Variants in PCDH15 observed in about 807,000 individuals in gnomAD.
The protein encoded by PCDH15 is protocadherin-15.
A neutral mutation model predicts 178.5 loss-of-function variants in PCDH15; 129 were observed. The ratio of observed to expected loss-of-function variants is 0.72; its 90% CI spans 0.63 to 0.84. The LOEUF is 0.84. Among genes scored for constraint, PCDH15 ranks in the 40% least tolerant of loss-of-function variants. The pLI is 0.00. For missense variants in PCDH15, 2,230 were observed against 2,099.9 expected, an observed-to-expected ratio of 1.06 and a Z score of -1.21; for synonymous variants, 800 against 732.0, an observed-to-expected ratio of 1.09 and a Z score of -1.50.
At chr10:55,259,902 C>CA (rs749939571) in intron 1 of PCDH15, among the ~76,000 whole-genome samples, 1 of 52,012 alleles carries the variant, frequency 1.9e-5, no homozygotes, top group African/African-American at 7.6e-5. Context: ...AACTCCGTCT[C>CA]AAAAAAAAAA....
intron 14 of PCDH15, among the ~76,000 whole-genome samples, chr10:54,151,203 G>A (rs1462025056): frequency 6.6e-6 from 1 of 152,042 alleles, no homozygotes; most frequent in East Asian, 1.9e-4. Context: ...TCACAAACGA[G>A]ACAAGCATTT....
At chr10:55,205,065 G>T (rs1840358413) in intron 1 of PCDH15, among the ~76,000 whole-genome samples, 1 of 151,942 alleles carries the variant, frequency 6.6e-6, no homozygotes, top group Non-Finnish European at 1.5e-5. Context: ...GATATCCTCA[G>T]ATCTTACTTC....
chr10:55,325,906 C>A (rs1844017761), intron 2 of PCDH15, among the ~76,000 whole-genome samples: 1 of 152,000 alleles, frequency 6.6e-6, no homozygotes, highest in African/African-American at 2.4e-5. Flanking sequence ...AAAGAAACAA[C>A]CCCATTAAAA....
At chr10:54,662,053 G>T (rs1011345308) in intron 2 of PCDH15, among the ~76,000 whole-genome samples, 14 of 151,750 alleles carry the variant, frequency 9.2e-5, no homozygotes, top group African/African-American at 2.7e-4. Flanking sequence ...GTAGACAAAT[G>T]GGACTTAATT....
chr10:54,623,070 TCA>T (rs2093438080), intron 2 of PCDH15, among the ~76,000 whole-genome samples: 1 of 151,968 alleles, frequency 6.6e-6, no homozygotes, highest in African/African-American at 2.4e-5. Context: ...ACTTAATTAT[TCA>T]CAGTTTTGTT....
chr10:53,943,808 C>G (rs189127960), intron 23 of PCDH15, among the ~76,000 whole-genome samples: 42 of 152,140 alleles, frequency 2.8e-4, no homozygotes, highest in Middle Eastern at 3.4e-3. Flanking sequence ...ATACAATCTT[C>G]TCCCAAAAAG....
chr10:55,010,295 T>C (rs1396761540), intron 2 of PCDH15, among the ~76,000 whole-genome samples: 2 of 152,146 alleles, frequency 1.3e-5, no homozygotes, highest in Non-Finnish European at 2.9e-5. Context: ...ATTTAACAAA[T>C]ATGCTGGGAG....
rs5741702 is a variant in PCDH15 at position 53,918,713 on chromosome 10, AACACACACACAC to A, written c.3374-15355_3374-15344del. Among the ~76,000 whole-genome samples the A allele has an allele frequency of 8.1e-3, 1,190 of 147,046 alleles. 17 individuals are homozygous for A. The highest frequency in any genetic ancestry group is 0.028 in the African/African-American group (1,104 of 39,848). On this transcript the variant is annotated intron_variant, in intron 25 of 37. Transcript: ENST00000644397. The stretch of plus-strand genomic sequence containing the variant: ...CTCTGTCCTTTAATGCAAATACACA[AACACACACACAC>A]ACACACACACACACACACACACACA...
At chr10:54,758,615 AC>A (rs1947471613) in intron 1 of PCDH15, among the ~76,000 whole-genome samples, 1 of 152,154 alleles carries the variant, frequency 6.6e-6, no homozygotes, top group African/African-American at 2.4e-5. Context: ...ATTTGTGGCT[AC>A]TTTTTTCCTT....
intron 2 of PCDH15, among the ~76,000 whole-genome samples, chr10:54,978,728 T>G (rs1839139683): frequency 6.6e-6 from 1 of 152,150 alleles, no homozygotes; most frequent in South Asian, 2.1e-4. Flanking sequence ...TACCTGCTTT[T>G]TGGTCATCTT....
intron 2 of PCDH15, among the ~76,000 whole-genome samples, chr10:55,137,706 G>T (rs531677832): frequency 1.3e-5 from 2 of 152,114 alleles, no homozygotes; most frequent in Non-Finnish European, 2.9e-5. Flanking sequence ...GAAATAGCAA[G>T]TATATACCCC....
intron 2 of PCDH15, among the ~76,000 whole-genome samples, chr10:55,051,844 T>C (rs1404284417): frequency 6.6e-6 from 1 of 152,158 alleles, no homozygotes; most frequent in Non-Finnish European, 1.5e-5. Context: ...TTTAAGCATA[T>C]GAACACACAG....
Position 55,111,137 on chromosome 10 carries a change from G to C in PCDH15, c.-80+55439C>G, listed in dbSNP as rs7090249. Among the ~76,000 whole-genome samples, 1,398 of 152,212 alleles carry C rather than the reference G, an allele frequency of 9.2e-3. 29 individuals carry two copies. The highest frequency in any genetic ancestry group is 0.032 in the African/African-American group (1,333 of 41,552). The stretch of plus-strand genomic sequence containing the variant: ...CATTTGAAATTCACATGAAGCAGTA[G>C]AATAAGAAAACAGCTCTGTAGGTTG... On this transcript the variant is annotated intron_variant, in intron 2 of 5. Coordinates refer to the PCDH15 transcript ENST00000458638.
chr10:55,400,140 C>A (rs982546985), intron 2 of PCDH15, among the ~76,000 whole-genome samples: 2 of 152,078 alleles, frequency 1.3e-5, no homozygotes, highest in African/African-American at 4.8e-5. Flanking sequence ...CATAGTATGA[C>A]CCCAAACCTG....
intron 2 of PCDH15, among the ~76,000 whole-genome samples, chr10:55,068,767 C>CA (rs1284124886): frequency 1.4e-3 from 154 of 108,938 alleles, no homozygotes; most frequent in African/African-American, 4.5e-3. Context: ...TTTCTTTCAT[C>CA]ATTGTGTGTG....
intron 21 of PCDH15, among the ~76,000 whole-genome samples, chr10:53,987,494 G>T (rs368807305): frequency 6.6e-6 from 1 of 151,938 alleles, no homozygotes; most frequent in Non-Finnish European, 1.5e-5. Flanking sequence ...GTTTAAAAAT[G>T]CCTAGGAAAT....
At chr10:54,815,343 A>T (rs986476933) in intron 3 of PCDH15, among the ~76,000 whole-genome samples, 1 of 152,128 alleles carries the variant, frequency 6.6e-6, no homozygotes, top group Non-Finnish European at 1.5e-5. Flanking sequence ...GCACACAAAG[A>T]CCGTACATGG....
chr10:55,008,489 G>A (rs750778239), intron 2 of PCDH15, among the ~76,000 whole-genome samples: 30 of 152,132 alleles, frequency 2.0e-4, no homozygotes, highest in East Asian at 3.9e-4. Context: ...TCCTCTACAC[G>A]CCTCTGTTCT....
intron 28 of PCDH15, among the ~76,000 whole-genome samples, chr10:53,850,125 G>T (rs922366841): frequency 2.6e-5 from 4 of 151,888 alleles, no homozygotes; most frequent in African/African-American, 9.7e-5. Context: ...CTCAAAAATA[G>T]AACAGAACTG....
Sources: gnomAD v4.1 joint callset for allele counts (sites outside exome capture counted in the v4.1 genomes callset) on GRCh38, gnomAD v4.1.1 for gene constraint, MANE v1.5 for transcripts, NCBI Gene and HGNC (gene_info 2026-07-23, HGNC 2026-07-21) for gene names.